Variants in DVL2 observed in about 807,000 individuals in gnomAD.
DVL2 encodes segment polarity protein dishevelled homolog DVL-2.
In DVL2, 38 loss-of-function variants were observed where a neutral mutation model predicts 69.8. The observed-to-expected ratio is 0.54, with a 90% CI of 0.42 to 0.71. The LOEUF is 0.71. DVL2 is among the 30% of genes least tolerant of loss of function. DVL2 has a pLI of 0.00. For missense variants in DVL2, 931 were observed against 1,008.1 expected (o/e 0.92, Z 1.04); for synonymous variants, 428 against 392.4 (o/e 1.09, Z -1.07).
chr17:7,233,803 A>G (rs2071586419), intron 1 of DVL2: 2 of 552,120 alleles, frequency 3.6e-6, no homozygotes, highest in South Asian at 4.1e-5. Flanking sequence ...GAATACTCCA[A>G]CATAAACCAG....
At chr17:7,227,861 T>C (rs2071481990) in intron 10 of DVL2, 78 bp from the exon 11 acceptor site, 3 of 1,558,286 alleles carry the variant, frequency 1.9e-6, no homozygotes, top group Non-Finnish European at 1.7e-6. Context: ...CTCAGCCTCC[T>C]GTTCCACCTC....
Position 7,226,478 on chromosome 17 carries a change from G to A in DVL2, c.1705C>T (p.His569Tyr), listed in dbSNP as rs201803378. Residue 569 changes from histidine to tyrosine, a missense_variant, in exon 14 of 15, where the codon CAT becomes TAT. His to Tyr is a moderately conservative substitution (Grantham distance 83). Coordinates refer to ENST00000005340, the MANE Select transcript of DVL2 (RefSeq NM_004422.3). The part of the protein sequence containing the change: ...HPYSPQPPPY[H>Y]ELSSYTYGGG... ...CCATAGGTGTAAGATGAAAGCTCAT[G>A]GTAGGGTGGAGGCTGCGGGCTGTAG... 1.3e-5 allele frequency: 20 copies of A among 1,568,040 alleles called. No individual in the cohort carries two copies. In the East Asian group the frequency reaches 3.1e-4, roughly 25 times the overall value.
rs892848753 is a variant in DVL2 at position 7,227,723 on chromosome 17, C to T, written c.1163G>A (p.Gly388Asp). 6.2e-7 allele frequency: 1 copy of T among 1,607,766 alleles called. No individual in the cohort carries two copies. The highest frequency in any genetic ancestry group is 8.5e-7 in the Non-Finnish European group (1 of 1,177,088). ...GGAACCTGGATAGGCTGGGAAGGTG[C>T]CAGTCAGAGCCGCGGAATGGGACAC... ...AWVSHSAALT[G>D]TFPAYPGSSS... The change falls in exon 11 of 15, where the codon GGC (glycine) becomes GAC (aspartate). Residue 388 changes from glycine (G) to aspartate (D), a missense_variant. Gly to Asp is a moderately conservative substitution (Grantham distance 94). Around this residue, in one of 3 missense-constraint regions of DVL2, gnomAD observed 555 missense variants for 588.8 expected, o/e 0.94. Transcript: ENST00000005340.
chr17:7,231,091 G>A (rs1307649466), intron 1 of DVL2, among the ~76,000 whole-genome samples: 5 of 152,148 alleles, frequency 3.3e-5, no homozygotes, highest in South Asian at 2.1e-4. Context: ...AATCCCGCAC[G>A]CTGATGCGGC....
chr17:7,227,167 C>T lies in DVL2; in HGVS notation c.1466G>A (p.Arg489Gln), dbSNP rs1235783471. 10 of 1,613,994 alleles carry T rather than the reference C, an allele frequency of 6.2e-6. No homozygotes were observed. Among genetic ancestry groups the T allele is most frequent in the East Asian group, 2.2e-5 (1 of 44,896 alleles). ...GAAGGTGATCTTGTTGACGGTGTGT[C>T]GGATCAGGCCTGCTTTGAGCAGCCC... The part of the protein sequence containing the change: ...ASGLLKAGLI[R>Q]HTVNKITFSE... Residue 489 changes from arginine (R) to glutamine (Q), a missense_variant, in exon 13 of 15, where the codon CGA (arginine) becomes CAA (glutamine). By Grantham distance (43) the Arg-to-Gln change is conservative. Transcript: ENST00000005340.
chr17:7,227,997 G>C lies in DVL2; in HGVS notation c.1082C>G (p.Ala361Gly), dbSNP rs749743656. The change falls in exon 10 of 15, where the codon GCC (alanine) becomes GGC (glycine). Residue 361 changes from alanine (A) to glycine (G), a missense_variant. Physicochemically the swap from Ala to Gly is moderately conservative, Grantham distance 60 (BLOSUM62 0). Transcript: ENST00000005340. Reference sequence around the variant, plus strand: ...CTCACTTCGGGGGAGAGTGAAATAGGCCTGAGGAGAGGGATCCCAGCACTT... The same window carrying C: ...CTCACTTCGGGGGAGAGTGAAATAGCCCTGAGGAGAGGGATCCCAGCACTT... ...VAKCWDPSPQ[A>G]YFTLPRNEPI... The C allele has an allele frequency of 2.6e-6, 4 of 1,564,080 alleles. No individual in the cohort carries two copies. Among genetic ancestry groups the C allele is most frequent in the Non-Finnish European group, 2.6e-6 (3 of 1,155,894 alleles).
chr17:7,230,019 T>G (rs1166892924), intron 4 of DVL2, 27 bp downstream of exon 4: 30 of 1,612,678 alleles, frequency 1.9e-5, no homozygotes, highest in Non-Finnish European at 2.5e-5. Context: ...GGCCCAGCCC[T>G]TCCCGGCCCC....
intron 2 of DVL2, 125 bp from the exon 3 acceptor site, chr17:7,230,555 T>C: frequency 1.4e-6 from 2 of 1,399,378 alleles, no homozygotes; most frequent in Non-Finnish European, 2.0e-6. Flanking sequence ...TAGCAAGTAT[T>C]AGAGACTCCA....
chr17:7,227,584 G>A (rs1002925080), intron 11 of DVL2, 49 bp from the exon 12 acceptor site: 1 of 1,613,232 alleles, frequency 6.2e-7, no homozygotes, highest in African/African-American at 1.3e-5. Context: ...GCTCCCACAA[G>A]GGCAATGGAT....
chr17:7,234,343 C>T lies in DVL2; in HGVS notation c.-81G>A, dbSNP rs1257737117. The T allele has an allele frequency of 2.0e-6, 3 of 1,498,062 alleles. No homozygotes were observed. The highest frequency in any genetic ancestry group is 2.7e-6 in the Non-Finnish European group (3 of 1,107,142). 92.8% of individuals were successfully genotyped at this position (1,498,062 alleles called of 1,614,324 possible). ...TGCCGCGCCTGCGCACACCCGCAAA[C>T]CGACGCGCGAGCGCGGACAGGACTG... On this transcript the variant is annotated 5_prime_UTR_variant, in exon 1 of 15. Coordinates refer to ENST00000005340, the MANE Select transcript of DVL2 (RefSeq NM_004422.3).
chr17:7,234,324 G>A lies in DVL2; in HGVS notation c.-62C>T. 1 of 1,548,208 alleles carries A rather than the reference G, an allele frequency of 6.5e-7. No homozygotes were observed. Among genetic ancestry groups the A allele is most frequent in the South Asian group, 1.2e-5 (1 of 82,310 alleles). ...CCAAAGGGCTAATGGCCCCTGCCGC[G>A]CCTGCGCACACCCGCAAACCGACGC... On this transcript the variant is annotated 5_prime_UTR_variant, in exon 1 of 15. Coordinates refer to ENST00000005340, the MANE Select transcript of DVL2 (RefSeq NM_004422.3).
At chr17:7,230,468 G>A (rs2071526345) in intron 2 of DVL2, 38 bp from the exon 3 acceptor site, 6 of 1,608,980 alleles carry the variant, frequency 3.7e-6, no homozygotes, top group Non-Finnish European at 4.3e-6. Context: ...GCTCACTTGG[G>A]AGTCAGGGTG....
chr17:7,231,861 GAAAAAAA>G (rs35734517), intron 1 of DVL2, among the ~76,000 whole-genome samples: 1 of 50,216 alleles, frequency 2.0e-5, no homozygotes, highest in South Asian at 6.4e-4. Flanking sequence ...CTCCACCTCA[GAAAAAAA>G]AAAAAAAAAA....
chr17:7,227,074 G>A lies in DVL2; in HGVS notation c.1543+16C>T. The A allele has an allele frequency of 6.3e-7, 1 of 1,596,220 alleles. No individual in the cohort carries two copies. Among genetic ancestry groups the A allele is most frequent in the Non-Finnish European group, 8.5e-7 (1 of 1,169,674 alleles). ...AGGCAAAGCCACACTCCCAGAGTTG[G>A]GGCAGGGGGACTTACAGCTCTCACA... is the stretch of plus-strand genomic sequence containing the variant. On this transcript the variant is annotated intron_variant, in intron 13 of 14. Coordinates refer to ENST00000005340, the MANE Select transcript of DVL2 (RefSeq NM_004422.3).
In DVL2 at chr17:7,230,797, C is replaced by T; in HGVS notation, c.195G>A (p.Gly65=). ...YFFKSMDQDF[G]VVKEEISDDN... ...CATCTGAAATTTCTTCCTTCACCAC[C>T]CTGCCAAGCGACAAGGTAGAGGTCA... is the stretch of plus-strand genomic sequence containing the variant. Residue 65 remains glycine, a splice_region_variant and synonymous_variant, in exon 2 of 15, where the codon GGG becomes GGA. Coordinates refer to ENST00000005340, the MANE Select transcript of DVL2 (RefSeq NM_004422.3). 1 of 1,612,620 alleles carries T rather than the reference C, an allele frequency of 6.2e-7. No homozygotes were observed. Among genetic ancestry groups the T allele is most frequent in the Non-Finnish European group, 8.5e-7 (1 of 1,179,150 alleles).
In DVL2 at chr17:7,227,207, G is replaced by A. The variant is rs998549572; in HGVS notation, c.1426C>T (p.Arg476Cys). 4 of 1,612,766 alleles carry A rather than the reference G, an allele frequency of 2.5e-6. No individual in the cohort carries two copies. Among genetic ancestry groups the A allele is most frequent in the Non-Finnish European group, 2.5e-6 (3 of 1,179,322 alleles). Reference sequence around the variant, plus strand: ...TTGAGCAGCCCGCTGGCATACTTGCGGGCCTCCCGCCGCTCAGGAAAGCCC... The same window carrying A: ...TTGAGCAGCCCGCTGGCATACTTGCAGGCCTCCCGCCGCTCAGGAAAGCCC... ...VEGFPERREA[R>C]KYASGLLKAG... The change falls in exon 13 of 15, where the codon CGC becomes TGC. Residue 476 changes from arginine to cysteine, a missense_variant. Physicochemically the swap from Arg to Cys is radical, Grantham distance 180 (BLOSUM62 -3). Coordinates refer to ENST00000005340, the MANE Select transcript of DVL2 (RefSeq NM_004422.3).
chr17:7,228,145 A>C, intron 9 of DVL2, 101 bp from the exon 10 acceptor site: 1 of 975,708 alleles, frequency 1.0e-6, no homozygotes, highest in Non-Finnish European at 1.5e-6. Context: ...AAAGAGGGGG[A>C]GAAGCAAGCA....
Position 7,226,564 on chromosome 17 carries a change from G to A in DVL2, c.1619C>T (p.Pro540Leu). ...CAGCAGGGGCCAGGGGGTGGCCCCA[G>A]GCAGAGGAGCCAGGGTATCCTGGTC... ...ASDQDTLAPL[P>L]GATPWPLLPT... The change falls in exon 14 of 15, where the codon CCT becomes CTT. Residue 540 changes from proline to leucine, a missense_variant. This residue lies in a region of DVL2 where 314 missense variants were observed against 313.7 expected (regional missense o/e 1.00). Transcript: ENST00000005340. 6.2e-7 allele frequency: 1 copy of A among 1,608,820 alleles called. No homozygotes were observed. The highest frequency in any genetic ancestry group is 8.5e-7 in the Non-Finnish European group (1 of 1,177,930).
At chr17:7,227,822 C>A in intron 10 of DVL2, 39 bp from the exon 11 acceptor site, 1 of 1,556,712 alleles carries the variant, frequency 6.4e-7, no homozygotes, top group South Asian at 1.2e-5. Context: ...CATTCTCAGT[C>A]CCCAAAAGCC....
Sources: gnomAD v4.1 joint callset for allele counts (sites outside exome capture counted in the v4.1 genomes callset) on GRCh38, gnomAD v4.1.1 for gene constraint, gnomAD v4.1.1 regional missense constraint, MANE v1.5 for transcripts, NCBI Gene and HGNC (gene_info 2026-07-23, HGNC 2026-07-21) for gene names.